SMC1B: variants seen among roughly 807,000 people sequenced by gnomAD.
SMC1B encodes the protein structural maintenance of chromosomes 1B.
A neutral mutation model predicts 157.9 loss-of-function variants in SMC1B; 60 were observed. That is an observed-to-expected ratio of 0.38 (90% CI 0.31 to 0.47). The LOEUF is 0.47. Among genes scored for constraint, SMC1B ranks in the 20% least tolerant of loss-of-function variants. The pLI is 0.99. For synonymous variants in SMC1B, 445 were observed against 483.0 expected (o/e 0.92, Z 1.03); for missense variants, 1,165 against 1,426.2 (o/e 0.82, Z 2.95).
chr22:45,348,954 TCAGCC>T (rs2086580622), intron 23 of SMC1B, among the ~76,000 whole-genome samples: 1 of 151,682 alleles, frequency 6.6e-6, no homozygotes, highest in African/African-American at 2.4e-5. Flanking sequence ...TCCACCCGCC[TCAGCC>T]TCCCGAAGTG....
intron 20 of SMC1B, 144 bp from the exon 21 acceptor site, chr22:45,354,276 T>C: frequency 1.7e-6 from 1 of 573,516 alleles, no homozygotes; most frequent in Non-Finnish European, 2.9e-6. Context: ...AAACTATTAT[T>C]AATTCCAAGA....
intron 17 of SMC1B, among the ~76,000 whole-genome samples, chr22:45,361,459 AACAC>A (rs35756229): frequency 6.6e-6 from 1 of 150,736 alleles, no homozygotes; most frequent in African/African-American, 2.4e-5. Flanking sequence ...CTAAAAGAGA[AACAC>A]ACACACACAC....
intron 11 of SMC1B, among the ~76,000 whole-genome samples, chr22:45,386,429 A>G (rs1459890228): frequency 6.6e-6 from 1 of 152,102 alleles, no homozygotes; most frequent in African/African-American, 2.4e-5. Flanking sequence ...AAATTCAAAT[A>G]TGTTAAACCT....
At chr22:45,365,254 G>A (rs2086764512) in intron 15 of SMC1B, among the ~76,000 whole-genome samples, 1 of 151,992 alleles carries the variant, frequency 6.6e-6, no homozygotes, top group Non-Finnish European at 1.5e-5. Context: ...CCTGGGCCTC[G>A]CCTTTGAACT....
At chr22:45,354,913 A>G (rs2086654959) in intron 20 of SMC1B, 46 bp downstream of exon 20, 2 of 1,585,018 alleles carry the variant, frequency 1.3e-6, no homozygotes, top group Non-Finnish European at 1.7e-6. Flanking sequence ...ATAGCAATCA[A>G]AACACCCATG....
chr22:45,399,081 T>C lies in SMC1B; in HGVS notation c.1113+14A>G. The C allele has an allele frequency of 2.5e-6, 4 of 1,602,550 alleles. No homozygotes were observed. Among genetic ancestry groups the C allele is most frequent in the Non-Finnish European group, 3.4e-6 (4 of 1,177,062 alleles). On this transcript the variant is annotated intron_variant, in intron 6 of 24. Transcript: ENST00000357450. The stretch of plus-strand genomic sequence containing the variant: ...ATAGAAACACAAGATTTCCCCTAAG[T>C]TGTCCTTTTTTACCTGACTGGCTTC...
intron 15 of SMC1B, among the ~76,000 whole-genome samples, chr22:45,363,242 C>T (rs1043179127): frequency 3.3e-5 from 5 of 152,152 alleles, no homozygotes; most frequent in East Asian, 3.8e-4. Flanking sequence ...TTATTTGAAG[C>T]AAGTTCTAGA....
At chr22:45,346,420 C>T (rs992642817) in intron 23 of SMC1B, among the ~76,000 whole-genome samples, 2 of 152,122 alleles carry the variant, frequency 1.3e-5, no homozygotes, top group Non-Finnish European at 2.9e-5. Flanking sequence ...GAACAAACCA[C>T]TCAGAACTTG....
chr22:45,380,629 T>C (rs142406942), intron 12 of SMC1B, among the ~76,000 whole-genome samples: 10 of 152,216 alleles, frequency 6.6e-5, no homozygotes, highest in Admixed American at 5.9e-4. Context: ...TTAAGAAATA[T>C]GTTTTTGGCC....
intron 16 of SMC1B, 151 bp from the exon 17 acceptor site, chr22:45,362,135 C>CTA: frequency 2.9e-6 from 2 of 679,734 alleles, no homozygotes; most frequent in Non-Finnish European, 4.7e-6. Context: ...CTGTGACTCA[C>CTA]GTTCTACACT....
intron 7 of SMC1B, among the ~76,000 whole-genome samples, chr22:45,396,062 T>C (rs576634984): frequency 2.0e-5 from 3 of 152,218 alleles, no homozygotes; most frequent in Non-Finnish European, 4.4e-5. Flanking sequence ...AATCAGTGTA[T>C]AATTTTATAA....
chr22:45,380,203 CT>C (rs551427346), intron 12 of SMC1B, among the ~76,000 whole-genome samples: 1 of 151,892 alleles, frequency 6.6e-6, no homozygotes, highest in Non-Finnish European at 1.5e-5. Context: ...TGATACGAGC[CT>C]TTTTTTTGTT....
chr22:45,355,336 T>C (rs2086659518), intron 19 of SMC1B, among the ~76,000 whole-genome samples: 1 of 152,234 alleles, frequency 6.6e-6, no homozygotes, highest in Admixed American at 6.5e-5. Context: ...GCTCATTTTT[T>C]AATCTGGGTA....
At chr22:45,355,667 A>C (rs772489663) in intron 19 of SMC1B, among the ~76,000 whole-genome samples, 55 of 152,292 alleles carry the variant, frequency 3.6e-4, no homozygotes, top group Non-Finnish European at 3.1e-4. Context: ...GGGAGAGGGG[A>C]TCCAATCCAG....
At chr22:45,385,699 A>C (rs1197468227) in intron 11 of SMC1B, among the ~76,000 whole-genome samples, 3 of 152,088 alleles carry the variant, frequency 2.0e-5, no homozygotes, top group African/African-American at 7.2e-5. Flanking sequence ...AATTCTATAA[A>C]ATATACAAAT....
At chr22:45,405,895 A>G (rs2087254082) in intron 4 of SMC1B, among the ~76,000 whole-genome samples, 1 of 152,176 alleles carries the variant, frequency 6.6e-6, no homozygotes, top group African/African-American at 2.4e-5. Context: ...TGTTTATGAG[A>G]ATTCAGCTGT....
At chr22:45,350,978 C>G (rs1415724585) in intron 22 of SMC1B, among the ~76,000 whole-genome samples, 1 of 152,310 alleles carries the variant, frequency 6.6e-6, no homozygotes, top group East Asian at 1.9e-4. Context: ...TTTGCACTTG[C>G]TGTTGCTGAT....
chr22:45,382,991 G>A (rs2086951531), intron 12 of SMC1B, among the ~76,000 whole-genome samples: 1 of 152,032 alleles, frequency 6.6e-6, no homozygotes, highest in African/African-American at 2.4e-5. Context: ...AAATTAGCTG[G>A]GCATGGTGGC....
intron 6 of SMC1B, among the ~76,000 whole-genome samples, chr22:45,397,731 T>G (rs945160250): frequency 2.0e-5 from 3 of 152,106 alleles, no homozygotes; most frequent in Non-Finnish European, 4.4e-5. Context: ...CACAAACCAA[T>G]CAGCACACAT....
Sources: allele counts gnomAD v4.1 joint callset (sites outside exome capture counted in the v4.1 genomes callset), GRCh38; gene constraint gnomAD v4.1.1; transcripts MANE v1.5; gene names NCBI Gene and HGNC (gene_info 2026-07-23, HGNC 2026-07-21).